The following GNA14 variants were observed in gnomAD, a reference collection of about 807,000 sequenced individuals.
GNA14 encodes the protein G protein subunit alpha 14, also known as guanine nucleotide-binding protein subunit alpha-14.
In GNA14, 50 loss-of-function variants were observed where a neutral mutation model predicts 42.0. That is an observed-to-expected ratio of 1.19 (90% confidence interval 0.95 to 1.51). The LOEUF (loss-of-function observed/expected upper bound fraction) is 1.51, where lower values mean the gene tolerates loss of function less well. Ranked by LOEUF, GNA14 falls within the 40% of genes most tolerant of loss-of-function variation. The probability of loss-of-function intolerance (pLI) is 0.00; values close to 1 mark genes in which losing one functional copy is unlikely to be tolerated. For synonymous variants in GNA14, 173 were observed against 163.1 expected, an observed-to-expected ratio of 1.06 and a Z score of -0.46; for missense variants, 473 against 446.2, an observed-to-expected ratio of 1.06 and a Z score of -0.54.
intron 1 of GNA14, among the ~76,000 whole-genome samples, chr9:77,639,314 C>T (rs1247940008): frequency 2.6e-5 from 4 of 152,292 alleles, no homozygotes; most frequent in South Asian, 2.1e-4. Flanking sequence ...CTATTCTAAA[C>T]GCTCTAAAAA....
At position 77,425,733 on chromosome 9, in the gene GNA14, GA is replaced by G. The variant is rs1303852134; in HGVS notation, c.724-19del. ...ATGCGATTCTAAGTGAAAAACAAGG[GA>G]CTTGGGATGAAGTAGAAAGGAAATA... On this transcript the variant is annotated intron_variant, in intron 5 of 6. Coordinates refer to ENST00000341700, the MANE Select transcript of GNA14 (RefSeq NM_004297.4). 1 of 1,568,032 alleles carries G rather than the reference GA, an allele frequency of 6.4e-7. No homozygotes were observed. The highest frequency in any genetic ancestry group is 8.6e-7 in the Non-Finnish European group (1 of 1,156,170).
chr9:77,490,693 C>T (rs1223516588), intron 2 of GNA14, among the ~76,000 whole-genome samples: 6 of 152,230 alleles, frequency 3.9e-5, no homozygotes, highest in Admixed American at 3.9e-4. Context: ...GCCTGCCAAG[C>T]CCACGCCCAC....
intron 2 of GNA14, among the ~76,000 whole-genome samples, chr9:77,443,958 A>T (rs899715907): frequency 6.6e-6 from 1 of 152,172 alleles, no homozygotes; most frequent in Non-Finnish European, 1.5e-5. Context: ...CTCCAGCCTG[A>T]GCAACAGAGC....
intron 1 of GNA14, among the ~76,000 whole-genome samples, chr9:77,624,404 C>A (rs1268815965): frequency 6.6e-6 from 1 of 152,218 alleles, no homozygotes; most frequent in East Asian, 1.9e-4. Context: ...TCTCCCAGCA[C>A]AATGCTCCAG....
chr9:77,519,415 GA>G (rs1837314532), intron 2 of GNA14, among the ~76,000 whole-genome samples: 1 of 151,202 alleles, frequency 6.6e-6, no homozygotes, highest in Middle Eastern at 3.2e-3. Flanking sequence ...TGCCTCAAAA[GA>G]AGAAAAAAAA....
At chr9:77,583,675 G>C (rs755486) in intron 1 of GNA14, among the ~76,000 whole-genome samples, 17 of 151,884 alleles carry the variant, frequency 1.1e-4, no homozygotes, top group African/African-American at 4.1e-4. Flanking sequence ...CCCTCTAACC[G>C]ACTCCCCCAC....
intron 1 of GNA14, among the ~76,000 whole-genome samples, chr9:77,598,016 G>T (rs994098165): frequency 6.6e-6 from 1 of 152,144 alleles, no homozygotes; most frequent in Non-Finnish European, 1.5e-5. Context: ...TCCAGCCTGG[G>T]CAACAGAGCA....
At chr9:77,452,560 GT>G (rs1835921765) in intron 2 of GNA14, among the ~76,000 whole-genome samples, 4 of 142,418 alleles carry the variant, frequency 2.8e-5, no homozygotes, top group Admixed American at 7.2e-5. Flanking sequence ...GTGTGTGTGT[GT>G]GTGTGTGTGT....
intron 2 of GNA14, among the ~76,000 whole-genome samples, chr9:77,483,554 G>C (rs1836601847): frequency 6.6e-6 from 1 of 152,198 alleles, no homozygotes; most frequent in Non-Finnish European, 1.5e-5. Flanking sequence ...CCCGTTCTCA[G>C]ATCTCCAGCT....
rs1399508950 is a variant in GNA14 at position 77,558,928 on chromosome 9, AC to A, written c.125-29676del. Among the ~76,000 whole-genome samples, 70 of 143,230 alleles carry A rather than the reference AC, an allele frequency of 4.9e-4. 1 individual carries two copies. Among genetic ancestry groups the A allele is most frequent in the South Asian group, 2.4e-3 (11 of 4,544 alleles). 94.0% of individuals were successfully genotyped at this position (143,230 alleles called of 152,430 possible). On this transcript the variant is annotated intron_variant, in intron 1 of 6. Coordinates refer to ENST00000341700, the MANE Select transcript of GNA14 (RefSeq NM_004297.4). ...GAAAAAAGGTGTTAAAAAACAAAAA[AC>A]AAAAAAAAAAACAAAAAACAAACAA...
intron 1 of GNA14, chr9:77,580,474 C>T: frequency 2.7e-6 from 1 of 372,524 alleles, no homozygotes; most frequent in Non-Finnish European, 5.5e-6. Context: ...TTAGCCCACA[C>T]CAGATAGCTG....
At chr9:77,558,855 C>T (rs534105539) in intron 1 of GNA14, among the ~76,000 whole-genome samples, 22 of 151,168 alleles carry the variant, frequency 1.5e-4, no homozygotes, top group Non-Finnish European at 2.7e-4. Context: ...GAAGCAATTT[C>T]GAAACACCTG....
intron 1 of GNA14, among the ~76,000 whole-genome samples, chr9:77,590,070 C>A (rs1823368486): frequency 6.6e-6 from 1 of 152,098 alleles, no homozygotes; most frequent in Non-Finnish European, 1.5e-5. Context: ...GTGCCTGCCA[C>A]CACGTCCAGC....
At chr9:77,523,955 A>C (rs1466476539) in intron 2 of GNA14, among the ~76,000 whole-genome samples, 1 of 152,220 alleles carries the variant, frequency 6.6e-6, no homozygotes, top group Non-Finnish European at 1.5e-5. Context: ...AAGAGACTGC[A>C]AACAGCAAAA....
intron 1 of GNA14, among the ~76,000 whole-genome samples, chr9:77,612,725 C>T (rs1823753833): frequency 1.3e-5 from 2 of 151,348 alleles, no homozygotes; most frequent in African/African-American, 4.9e-5. Flanking sequence ...ATCTAGTACA[C>T]TGTTCATGGG....
intron 2 of GNA14, among the ~76,000 whole-genome samples, chr9:77,496,165 A>T (rs1438818403): frequency 6.6e-6 from 1 of 152,160 alleles, no homozygotes; most frequent in Non-Finnish European, 1.5e-5. Flanking sequence ...TTCCTTTGGC[A>T]AATAATGACA....
chr9:77,500,013 G>A (rs1327383963), intron 2 of GNA14, among the ~76,000 whole-genome samples: 2 of 151,428 alleles, frequency 1.3e-5, no homozygotes, highest in African/African-American at 4.9e-5. Flanking sequence ...GCAAATTTCT[G>A]ATAATTTCTT....
chr9:77,548,777 G>A (rs953183664), intron 1 of GNA14, among the ~76,000 whole-genome samples: 2 of 152,150 alleles, frequency 1.3e-5, no homozygotes, highest in Non-Finnish European at 2.9e-5. Flanking sequence ...AGGAGTAAAT[G>A]TGCATAAACG....
intron 2 of GNA14, among the ~76,000 whole-genome samples, chr9:77,495,664 T>C (rs906100717): frequency 6.6e-6 from 1 of 152,228 alleles, no homozygotes; most frequent in Admixed American, 6.5e-5. Flanking sequence ...CTCTAAAGTT[T>C]ACTGTATGCT....
Sources: gnomAD v4.1 joint callset for allele counts (sites outside exome capture counted in the v4.1 genomes callset) on GRCh38, gnomAD v4.1.1 for gene constraint, MANE v1.5 for transcripts, NCBI Gene and HGNC (gene_info 2026-07-23, HGNC 2026-07-21) for gene names.